Variants in KRT8 observed in about 807,000 individuals in gnomAD.
KRT8 encodes the protein keratin, type II cytoskeletal 8.
Under a neutral mutation model 43.0 loss-of-function variants are expected in KRT8, and 24 were observed. That is an observed-to-expected ratio of 0.56 (90% CI 0.40 to 0.78). The LOEUF (loss-of-function observed/expected upper bound fraction) is 0.78, where lower values mean the gene tolerates loss of function less well. KRT8 is among the 30% of genes least tolerant of loss of function. KRT8 has a pLI of 0.00. For missense variants in KRT8, 492 were observed against 638.4 expected (o/e 0.77, Z 2.47); for synonymous variants, 214 against 261.2 (o/e 0.82, Z 1.74).
intron 2 of KRT8, among the ~76,000 whole-genome samples, chr12:52,934,886 T>C (rs1256093408): frequency 6.6e-6 from 1 of 151,830 alleles, no homozygotes; most frequent in African/African-American, 2.4e-5. Flanking sequence ...GGAGAATCGC[T>C]TGAACCCGGG....
intron 2 of KRT8, among the ~76,000 whole-genome samples, chr12:52,912,589 C>G (rs1941656557): frequency 6.6e-6 from 1 of 152,196 alleles, no homozygotes; most frequent in Non-Finnish European, 1.5e-5. Flanking sequence ...ACCAGTGACA[C>G]TTCCATGCCT....
intron 2 of KRT8, among the ~76,000 whole-genome samples, chr12:52,938,170 A>ATATTTTT (rs1555189967): frequency 6.6e-5 from 2 of 30,322 alleles, no homozygotes; most frequent in South Asian, 1.3e-3. Flanking sequence ...ATATATATAT[A>ATATTTTT]TTTTTTTTTT....
intron 2 of KRT8, among the ~76,000 whole-genome samples, chr12:52,920,885 A>C (rs1003576577): frequency 1.3e-5 from 2 of 152,240 alleles, no homozygotes; most frequent in Non-Finnish European, 2.9e-5. Context: ...GCATGTGTGC[A>C]TATATGTCTG....
intron 2 of KRT8, among the ~76,000 whole-genome samples, chr12:52,912,938 G>A (rs558753312): frequency 1.3e-5 from 2 of 152,344 alleles, no homozygotes; most frequent in Non-Finnish European, 1.5e-5. Flanking sequence ...ACCCTGGCTG[G>A]GAAGCGCTTG....
chr12:52,926,338 C>CCCCCCCCCCCCCCCCGGCCAGGG, intron 2 of KRT8: 1 of 752,530 alleles, frequency 1.3e-6, no homozygotes, highest in Non-Finnish European at 2.2e-6. Context: ...AGCTGCCCTC[C>CCCCCCCCCCCCCCCCGGCCAGGG]CCACCCCACC....
At chr12:52,902,009 T>G (rs1200074492) in exon 2 of KRT8, 7 of 1,603,430 alleles carry the variant, frequency 4.4e-6, no homozygotes, top group Non-Finnish European at 5.9e-6. Context: ...CGAGCCGTCT[T>G]CTGCTGCTGC....
intron 2 of KRT8, among the ~76,000 whole-genome samples, chr12:52,917,523 T>G (rs1182983407): frequency 6.6e-6 from 1 of 150,904 alleles, no homozygotes; most frequent in African/African-American, 2.4e-5. Flanking sequence ...CCCTGGCCAA[T>G]ATGGTGAAAC....
intron 2 of KRT8, among the ~76,000 whole-genome samples, chr12:52,935,890 G>A (rs1047339219): frequency 6.6e-6 from 1 of 152,082 alleles, no homozygotes; most frequent in Non-Finnish European, 1.5e-5. Context: ...CACATATTGG[G>A]CAAAAATATT....
At chr12:52,902,262 G>T (rs1941391306) in intron 1 of KRT8, 190 bp from the exon 2 acceptor site, 1 of 607,308 alleles carries the variant, frequency 1.6e-6, no homozygotes. Flanking sequence ...TGGTGAGGTG[G>T]GGAGCAATGT....
At position 52,898,932 on chromosome 12, in the gene KRT8, T is replaced by C. The variant is rs747914766; in HGVS notation, c.982-33A>G. ...GTAGGGGACAGGTAAGTAGGTCAGG[T>C]TGGGTATGCCTTCTCTTCTCCCGTG... is the stretch of plus-strand genomic sequence containing the variant. On this transcript the variant is annotated intron_variant, in intron 5 of 7. Transcript: ENST00000692008. 9 of 1,599,652 alleles carry C rather than the reference T, an allele frequency of 5.6e-6. No individual in the cohort carries two copies. In the South Asian group the frequency reaches 8.8e-5, roughly 16 times the overall value.
At chr12:52,912,419 TC>T (rs1246414851) in intron 2 of KRT8, among the ~76,000 whole-genome samples, 1 of 152,130 alleles carries the variant, frequency 6.6e-6, no homozygotes, top group Non-Finnish European at 1.5e-5. Flanking sequence ...CCCTCAGTCA[TC>T]CCTTTAAAAA....
At chr12:52,936,560 T>C (rs963742185) in intron 2 of KRT8, among the ~76,000 whole-genome samples, 2 of 152,182 alleles carry the variant, frequency 1.3e-5, no homozygotes, top group Non-Finnish European at 2.9e-5. Context: ...TTGCCCAGGC[T>C]GGAGTGCAAT....
intron 2 of KRT8, among the ~76,000 whole-genome samples, chr12:52,923,856 T>C (rs910845960): frequency 9.9e-5 from 15 of 152,050 alleles, no homozygotes; most frequent in Non-Finnish European, 1.9e-4. Context: ...ATTATATATT[T>C]TTTTTTTCGA....
At chr12:52,941,661 T>C (rs1942271523) in intron 2 of KRT8, among the ~76,000 whole-genome samples, 1 of 152,006 alleles carries the variant, frequency 6.6e-6, no homozygotes, top group Non-Finnish European at 1.5e-5. Context: ...GCTAATTTTG[T>C]ATTTTTAGTA....
intron 2 of KRT8, among the ~76,000 whole-genome samples, chr12:52,926,151 GC>G (rs1308893434): frequency 3.6e-5 from 2 of 55,250 alleles, no homozygotes; most frequent in Non-Finnish European, 7.5e-5. Context: ...CCTGCCCCCC[GC>G]CCCCCACCAC....
intron 2 of KRT8, among the ~76,000 whole-genome samples, chr12:52,936,661 G>A (rs1200599361): frequency 1.3e-5 from 2 of 151,982 alleles, no homozygotes; most frequent in African/African-American, 4.8e-5. Context: ...TACAAGCATG[G>A]GCCACTATGC....
At chr12:52,915,259 G>C (rs1941713104) in intron 2 of KRT8, among the ~76,000 whole-genome samples, 1 of 152,008 alleles carries the variant, frequency 6.6e-6, no homozygotes. Context: ...TGTAGTCCCA[G>C]CTACTCAGGA....
At chr12:52,938,535 G>C (rs966367722) in intron 2 of KRT8, among the ~76,000 whole-genome samples, 5 of 151,942 alleles carry the variant, frequency 3.3e-5, no homozygotes, top group African/African-American at 1.2e-4. Flanking sequence ...CCAGCATTTT[G>C]GGGGGCCGAG....
At chr12:52,943,918 A>C (rs1942304789) in intron 2 of KRT8, among the ~76,000 whole-genome samples, 2 of 150,280 alleles carry the variant, frequency 1.3e-5, no homozygotes, top group African/African-American at 4.9e-5. Flanking sequence ...CTTCCATTTC[A>C]CCCCCCTTTT....
Sources: gnomAD v4.1 joint callset for allele counts (sites outside exome capture counted in the v4.1 genomes callset) on GRCh38, gnomAD v4.1.1 for gene constraint, MANE v1.5 for transcripts, NCBI Gene and HGNC (gene_info 2026-07-23, HGNC 2026-07-21) for gene names.